Variants in GLIS3 observed in about 807,000 individuals in gnomAD.
GLIS3 encodes the protein zinc finger protein GLIS3.
Under a neutral mutation model 78.6 loss-of-function variants are expected in GLIS3, and 53 were observed. The ratio of observed to expected loss-of-function variants is 0.67; its 90% CI spans 0.54 to 0.85. The LOEUF (loss-of-function observed/expected upper bound fraction) is 0.85. Ranked by LOEUF, GLIS3 falls within the 40% of genes least tolerant of loss-of-function variation. The probability of loss-of-function intolerance (pLI) is 0.00; values close to 1 mark genes in which losing one functional copy is unlikely to be tolerated. For missense variants in GLIS3, 1,703 were observed against 1,231.1 expected (o/e 1.38, Z -5.74); for synonymous variants, 684 against 509.9 (o/e 1.34, Z -4.60).
chr9:4,212,423 G>T (rs1234475867), intron 2 of GLIS3, among the ~76,000 whole-genome samples: 1 of 152,132 alleles, frequency 6.6e-6, no homozygotes, highest in Non-Finnish European at 1.5e-5. Context: ...GCACTGTGCT[G>T]GATACTTAGG....
intron 2 of GLIS3, among the ~76,000 whole-genome samples, chr9:4,197,119 C>A (rs985002778): frequency 5.9e-5 from 9 of 152,174 alleles, no homozygotes; most frequent in Non-Finnish European, 1.3e-4. Context: ...TCTTACCCTT[C>A]CTGTGCATAG....
the GLIS3 span, among the ~76,000 whole-genome samples, chr9:4,378,215 T>C: frequency 1.3e-5 from 2 of 152,166 alleles, no homozygotes; most frequent in East Asian, 1.9e-4. Flanking sequence ...TATATATATA[T>C]ATAATTAATC....
At chr9:4,317,046 T>G (rs984581195) in intron 2 of GLIS3, among the ~76,000 whole-genome samples, 1 of 152,214 alleles carries the variant, frequency 6.6e-6, no homozygotes, top group African/African-American at 2.4e-5. Context: ...ATTAATCTAG[T>G]TGAAAGATGA....
At chr9:4,073,894 G>C (rs925534358) in intron 4 of GLIS3, among the ~76,000 whole-genome samples, 3 of 152,196 alleles carry the variant, frequency 2.0e-5, no homozygotes, top group African/African-American at 7.2e-5. Flanking sequence ...GTGTGTGTCT[G>C]ATGTGTGTAA....
chr9:4,083,914 A>G (rs1365525801), intron 4 of GLIS3, among the ~76,000 whole-genome samples: 1 of 152,152 alleles, frequency 6.6e-6, no homozygotes, highest in Non-Finnish European at 1.5e-5. Flanking sequence ...CGCATGTAGA[A>G]ATCATCTCTA....
At chr9:3,841,197 A>C (rs1437033207) in intron 9 of GLIS3, among the ~76,000 whole-genome samples, 1 of 152,216 alleles carries the variant, frequency 6.6e-6, no homozygotes, top group Non-Finnish European at 1.5e-5. Flanking sequence ...CAAATTCTCA[A>C]AATGATAAGC....
intron 2 of GLIS3, among the ~76,000 whole-genome samples, chr9:4,173,725 T>C (rs1362399939): frequency 6.6e-6 from 1 of 151,724 alleles, no homozygotes; most frequent in Non-Finnish European, 1.5e-5. Context: ...GCCTCCGGAG[T>C]AGCTGGAACT....
chr9:4,380,844 GAGA>G, the GLIS3 span, among the ~76,000 whole-genome samples: 1 of 152,328 alleles, frequency 6.6e-6, no homozygotes, highest in Admixed American at 6.5e-5. Flanking sequence ...AGAACGAGAA[GAGA>G]AGGACTCCCT....
chr9:4,243,125 T>C (rs1451183503), intron 2 of GLIS3, among the ~76,000 whole-genome samples: 1 of 152,212 alleles, frequency 6.6e-6, no homozygotes, highest in Non-Finnish European at 1.5e-5. Context: ...GAATCCTCTC[T>C]TGAGAAACAA....
In GLIS3 at chr9:4,025,014, C is replaced by G. The variant is rs191267262; in HGVS notation, c.1711-87825G>C. On this transcript the variant is annotated intron_variant, in intron 4 of 10. Transcript: ENST00000381971. ...CTGTAATCCCAGCACTTTGGGAGGC[C>G]GAAGCGGGCAGATCACCTTGAGGTC... 5.2e-3 allele frequency among the ~76,000 whole-genome samples: 788 copies of G among 152,130 alleles called. 8 individuals are homozygous for G. The highest frequency in any genetic ancestry group is 8.0e-3 in the Non-Finnish European group (544 of 67,988).
At chr9:4,420,963 TAGAA>T in the GLIS3 span, among the ~76,000 whole-genome samples, 1 of 152,314 alleles carries the variant, frequency 6.6e-6, no homozygotes, top group Non-Finnish European at 1.5e-5. Context: ...ATTCTGGTCT[TAGAA>T]AGCATTCCAA....
At chr9:4,298,236 C>T (rs1032514283) in intron 1 of GLIS3, 58 of 268,066 alleles carry the variant, frequency 2.2e-4, no homozygotes, top group Middle Eastern at 1.4e-3. Flanking sequence ...GCTCGCAGTC[C>T]CCCCACGCCG....
chr9:4,324,755 C>T (rs1232870173), intron 2 of GLIS3, among the ~76,000 whole-genome samples: 1 of 152,172 alleles, frequency 6.6e-6, no homozygotes, highest in Non-Finnish European at 1.5e-5. Context: ...ACTTGATTTG[C>T]TTTGTACCAT....
At chr9:4,435,123 T>C in the GLIS3 span, among the ~76,000 whole-genome samples, 2 of 152,242 alleles carry the variant, frequency 1.3e-5, no homozygotes. Context: ...TTTGAGCTGG[T>C]TGGCAGGGTA....
chr9:3,934,166 T>C (rs1588261581), intron 5 of GLIS3, among the ~76,000 whole-genome samples: 1 of 152,196 alleles, frequency 6.6e-6, no homozygotes, highest in African/African-American at 2.4e-5. Flanking sequence ...TTCTTTAACC[T>C]GGGAATCTTT....
chr9:4,295,015 T>C (rs1194978364), intron 1 of GLIS3, among the ~76,000 whole-genome samples: 1 of 152,214 alleles, frequency 6.6e-6, no homozygotes, highest in African/African-American at 2.4e-5. Context: ...AGTTGCATGT[T>C]TCCTAGTCTT....
intron 4 of GLIS3, among the ~76,000 whole-genome samples, chr9:4,102,964 T>C (rs1830484466): frequency 1.3e-5 from 2 of 151,754 alleles, no homozygotes; most frequent in South Asian, 2.1e-4. Context: ...AAAGGAAAAA[T>C]ACATGTAAAA....
At chr9:4,370,483 G>C in the GLIS3 span, among the ~76,000 whole-genome samples, 1 of 151,982 alleles carries the variant, frequency 6.6e-6, no homozygotes, top group African/African-American at 2.4e-5. Flanking sequence ...CCTTAAGTTT[G>C]GTTCCTTTCC....
chr9:4,438,082 G>A, the GLIS3 span, among the ~76,000 whole-genome samples: 9 of 152,144 alleles, frequency 5.9e-5, no homozygotes, highest in African/African-American at 2.2e-4. Flanking sequence ...AGCTGTAGTT[G>A]AGAAGTTAGG....
Sources: gnomAD v4.1 joint callset for allele counts (sites outside exome capture counted in the v4.1 genomes callset) on GRCh38, gnomAD v4.1.1 for gene constraint, MANE v1.5 for transcripts, NCBI Gene and HGNC (gene_info 2026-07-23, HGNC 2026-07-21) for gene names.